Variants in NDUFAF5 observed in about 807,000 individuals in gnomAD.
NDUFAF5 encodes the protein NADH:ubiquinone oxidoreductase complex assembly factor 5, also known as arginine-hydroxylase NDUFAF5, mitochondrial.
In NDUFAF5, 34 loss-of-function variants were observed where a neutral mutation model predicts 48.9. The ratio of observed to expected loss-of-function variants is 0.70; its 90% CI spans 0.53 to 0.93. The LOEUF (loss-of-function observed/expected upper bound fraction) is 0.93, where lower values mean the gene tolerates loss of function less well. NDUFAF5 is among the 40% of genes least tolerant of loss of function. The probability of loss-of-function intolerance (pLI) is 0.00; values close to 1 mark genes in which losing one functional copy is unlikely to be tolerated. For synonymous variants in NDUFAF5, 153 were observed against 150.6 expected (o/e 1.02, Z -0.12); for missense variants, 428 against 427.5 (o/e 1.00, Z -0.01).
chr20:13,818,539 A>G lies in NDUFAF5; in HGVS notation c.*1329A>G, dbSNP rs761450458. ...GCCAGGTGCAATGGCGCATGCCTGT[A>G]GTCCCAGCTACTTGGGAGGCTGAGG... On this transcript the variant is annotated 3_prime_UTR_variant, in exon 11 of 11. Transcript: ENST00000378106. The G allele has an allele frequency of 1.9e-4, 57 of 293,250 alleles. No individual in the cohort carries two copies. Among genetic ancestry groups the G allele is most frequent in the Non-Finnish European group, 3.2e-4 (49 of 152,628 alleles). 18.2% of individuals were successfully genotyped at this position (293,250 alleles called of 1,614,324 possible).
At position 13,787,408 on chromosome 20, in the gene NDUFAF5, G is replaced by A; in HGVS notation, c.263+56G>A. On this transcript the variant is annotated intron_variant, in intron 2 of 10. Transcript: ENST00000378106. ...TCAACTTTTGAGTGGAAATTCAGGA[G>A]ATTAAATGCTGAGAACTTGCTATCT... is the stretch of plus-strand genomic sequence containing the variant. 3 of 1,510,282 alleles carry A rather than the reference G, an allele frequency of 2.0e-6. No individual in the cohort carries two copies. The East Asian group carries it at 6.8e-5, about 34-fold the overall frequency. The allele number at this position is 1,510,282 out of a possible 1,614,324, so 93.6% of individuals were successfully genotyped here. A position where few individuals can be genotyped will look rare whatever the true frequency, so the allele number is the denominator to read the frequency against.
intron 1 of NDUFAF5, among the ~76,000 whole-genome samples, chr20:13,786,270 C>T (rs1222250900): frequency 6.6e-6 from 1 of 152,170 alleles, no homozygotes; most frequent in Non-Finnish European, 1.5e-5. Flanking sequence ...GACAGGGTGT[C>T]TTTCTCAGGA....
At chr20:13,800,319 T>G (rs1198283162) in intron 6 of NDUFAF5, among the ~76,000 whole-genome samples, 1 of 152,234 alleles carries the variant, frequency 6.6e-6, no homozygotes, top group South Asian at 2.1e-4. Flanking sequence ...CCAAAGCTTT[T>G]ACAAATTATT....
At chr20:13,801,770 C>A in intron 7 of NDUFAF5, 87 bp downstream of exon 7, 2 of 1,085,670 alleles carry the variant, frequency 1.8e-6, no homozygotes, top group Non-Finnish European at 2.8e-6. Flanking sequence ...TGTATGTGTT[C>A]ATGGTTTCAT....
In NDUFAF5 at chr20:13,785,285, G is replaced by C; in HGVS notation, c.217G>C (p.Glu73Gln). 2 of 1,607,040 alleles carry C rather than the reference G, an allele frequency of 1.2e-6. No homozygotes were observed. ...GCCGACCAAATTTGACTACCTGAAG[G>C]AGGAGGTGAGCCCGCGGGGCGGCGG... is the stretch of plus-strand genomic sequence containing the variant. ...PEPTKFDYLK[E>Q]EVGSRIADRV... The change falls in exon 1 of 11, where the codon GAG becomes CAG. Residue 73 changes from glutamate (E) to glutamine (Q), a missense_variant. Physicochemically the swap from Glu to Gln is conservative, Grantham distance 29. Transcript: ENST00000378106.
chr20:13,786,957 T>A (rs1226187840), intron 1 of NDUFAF5, among the ~76,000 whole-genome samples: 1 of 152,222 alleles, frequency 6.6e-6, no homozygotes, highest in Non-Finnish European at 1.5e-5. Flanking sequence ...TTTTTCACTT[T>A]GTGTACCTCA....
intron 1 of NDUFAF5, 48 bp from the exon 2 acceptor site, chr20:13,787,264 A>G (rs1347115726): frequency 6.9e-6 from 11 of 1,598,222 alleles, no homozygotes; most frequent in Non-Finnish European, 5.1e-6. Flanking sequence ...GAATACTGGA[A>G]AAAGAGTGTT....
rs563722935 is a variant in NDUFAF5, at chr20:13,818,639, C to T, written c.*1429C>T. 5 of 176,336 alleles carry T rather than the reference C, an allele frequency of 2.8e-5. No individual in the cohort carries two copies. Among genetic ancestry groups the T allele is most frequent in the African/African-American group, 1.2e-4 (5 of 41,678 alleles). The allele number at this position is 176,336 out of a possible 1,614,324, so 10.9% of individuals were successfully genotyped here. A position where few individuals can be genotyped will look rare whatever the true frequency, so the allele number is the denominator to read the frequency against. ...ACCTGGGCAAAAGAGGAGACCTCAT[C>T]TAAAGAAAAATCCACCAAAAACCCT... is the stretch of plus-strand genomic sequence containing the variant. On this transcript the variant is annotated 3_prime_UTR_variant, in exon 11 of 11. Coordinates refer to ENST00000378106, the MANE Select transcript of NDUFAF5 (RefSeq NM_024120.5).
intron 8 of NDUFAF5, among the ~76,000 whole-genome samples, chr20:13,810,067 T>C (rs1485358164): frequency 6.6e-6 from 1 of 152,048 alleles, no homozygotes; most frequent in African/African-American, 2.4e-5. Context: ...GGCAGTTGAG[T>C]ATGTGGGTAG....
intron 5 of NDUFAF5, among the ~76,000 whole-genome samples, chr20:13,796,437 A>T (rs7272412): frequency 0.012 from 1,821 of 152,270 alleles, 41 homozygotes; most frequent in African/African-American, 0.041. Context: ...CTGTTTTCCC[A>T]TAAGTATGAT....
intron 7 of NDUFAF5, among the ~76,000 whole-genome samples, chr20:13,806,918 G>C (rs1196786685): frequency 1.3e-5 from 2 of 152,134 alleles, no homozygotes; most frequent in Admixed American, 1.3e-4. Flanking sequence ...TTCTCCCTCT[G>C]TTGCCCAGGC....
At chr20:13,796,092 T>G (rs1392656598) in intron 5 of NDUFAF5, among the ~76,000 whole-genome samples, 1 of 152,206 alleles carries the variant, frequency 6.6e-6, no homozygotes, top group Non-Finnish European at 1.5e-5. Context: ...CTTTCAGAAG[T>G]TCAGCAGGCT....
At chr20:13,788,547 T>C in intron 2 of NDUFAF5, 42 bp from the exon 3 acceptor site, 1 of 1,394,120 alleles carries the variant, frequency 7.2e-7, no homozygotes, top group Non-Finnish European at 1.0e-6. Context: ...ATTTATAGAC[T>C]GTGTTATGGA....
Position 13,817,387 on chromosome 20 carries a change from T to G in NDUFAF5, c.*177T>G, listed in dbSNP as rs1986605088. 3 of 699,608 alleles carry G rather than the reference T, an allele frequency of 4.3e-6. No individual in the cohort carries two copies. Among genetic ancestry groups the G allele is most frequent in the Admixed American group, 2.0e-5 (1 of 49,850 alleles). The allele number at this position is 699,608 out of a possible 1,614,324, so 43.3% of individuals were successfully genotyped here. On this transcript the variant is annotated 3_prime_UTR_variant, in exon 11 of 11. Coordinates refer to ENST00000378106, the MANE Select transcript of NDUFAF5 (RefSeq NM_024120.5). ...GTAACCATTTCAGTTTCATATTGTT[T>G]CTGTTCTCATAAGGATACTGCTGAG...
At chr20:13,816,597 T>C (rs1986495221) in intron 9 of NDUFAF5, 51 bp downstream of exon 9, 1 of 1,405,858 alleles carries the variant, frequency 7.1e-7, no homozygotes, top group Non-Finnish European at 1.0e-6. Flanking sequence ...TTGTGCTGTA[T>C]CATGTTGATT....
Position 13,820,161 on chromosome 20 carries a change from G to T in NDUFAF5, c.*2951G>T, listed in dbSNP as rs1012882667. 11 of 152,122 alleles carry T rather than the reference G, an allele frequency of 7.2e-5. No individual in the cohort carries two copies. Among genetic ancestry groups the T allele is most frequent in the African/African-American group, 2.2e-4 (9 of 41,414 alleles). 9.4% of individuals were successfully genotyped at this position (152,122 alleles called of 1,614,324 possible). A position where few individuals can be genotyped will look rare whatever the true frequency, so the allele number is the denominator to read the frequency against. On this transcript the variant is annotated 3_prime_UTR_variant, in exon 11 of 11. Transcript: ENST00000378106. ...CAGGTTGGCCTGGAGAATTCCAAAG[G>T]TAAATATGAAAATGTATACCTACAA...
chr20:13,801,797 CTTT>C (rs780482104), intron 7 of NDUFAF5, 114 bp downstream of exon 7: 1 of 774,498 alleles, frequency 1.3e-6, no homozygotes, highest in Non-Finnish European at 2.1e-6. Context: ...CTTTCTCTCC[CTTT>C]TTTTTTCTCT....
In NDUFAF5 at chr20:13,789,376, G is replaced by C. The variant is rs1383821793; in HGVS notation, c.327+724G>C. Among the ~76,000 whole-genome samples, 5 of 152,250 alleles carry C rather than the reference G, an allele frequency of 3.3e-5. No homozygotes were observed. The East Asian group carries it at 7.7e-4, about 23-fold the overall frequency. ...GATGGGGTTTCACCATGTTGGCAAGGCCGGTCTTGAACTCCTGCCCTCAGG... is the reference window on the plus strand; with the variant it reads ...GATGGGGTTTCACCATGTTGGCAAGCCCGGTCTTGAACTCCTGCCCTCAGG... On this transcript the variant is annotated intron_variant, in intron 3 of 10. Coordinates refer to ENST00000378106, the MANE Select transcript of NDUFAF5 (RefSeq NM_024120.5).
In NDUFAF5 at chr20:13,819,300, A is replaced by G. The variant is rs1011814280; in HGVS notation, c.*2090A>G. The G allele has an allele frequency of 6.6e-6, 1 of 152,236 alleles. No homozygotes were observed. The highest frequency in any genetic ancestry group is 1.5e-5 in the Non-Finnish European group (1 of 68,040). The allele number at this position is 152,236 out of a possible 1,614,324, so 9.4% of individuals were successfully genotyped here. On this transcript the variant is annotated 3_prime_UTR_variant, in exon 11 of 11. Coordinates refer to ENST00000378106, the MANE Select transcript of NDUFAF5 (RefSeq NM_024120.5). ...AAAAGGTCTTTATCAAAAATTTTTC[A>G]TAAATGTTACATTCTTAAATGGTAT...
Sources: gnomAD v4.1 joint callset for allele counts (sites outside exome capture counted in the v4.1 genomes callset) on GRCh38, gnomAD v4.1.1 for gene constraint, MANE v1.5 for transcripts, NCBI Gene and HGNC (gene_info 2026-07-23, HGNC 2026-07-21) for gene names.